Variants in ALOX5 observed in about 807,000 individuals in gnomAD.
ALOX5 encodes arachidonate 5-lipoxygenase.
In ALOX5, 64 loss-of-function variants were observed where a neutral mutation model predicts 87.9. The ratio of observed to expected loss-of-function variants is 0.73; its 90% CI spans 0.60 to 0.90. The LOEUF is 0.90. ALOX5 is among the 40% of genes least tolerant of loss of function. The pLI, the probability that ALOX5 is intolerant of heterozygous loss-of-function variation, is 0.00. For missense variants in ALOX5, 822 were observed against 907.5 expected, an observed-to-expected ratio of 0.91 and a Z score of 1.21; for synonymous variants, 388 against 355.1, an observed-to-expected ratio of 1.09 and a Z score of -1.04.
intron 3 of ALOX5, among the ~76,000 whole-genome samples, chr10:45,411,811 G>A (rs1345681009): frequency 1.3e-5 from 2 of 152,226 alleles, no homozygotes; most frequent in Admixed American, 6.5e-5. Context: ...CAGGTTGGGC[G>A]TGGCTGGGCA....
Position 45,409,509 on chromosome 10 carries a change from G to GTCTCTCTCTCTC in ALOX5, c.432-2668_432-2657dup, listed in dbSNP as rs71515351. 8.5e-5 allele frequency among the ~76,000 whole-genome samples: 11 copies of GTCTCTCTCTCTC among 129,822 alleles called. 1 individual carries two copies. Among genetic ancestry groups the GTCTCTCTCTCTC allele is most frequent in the Admixed American group, 1.5e-4 (2 of 13,366 alleles). The allele number at this position is 129,822 out of a possible 152,430, so 85.2% of individuals were successfully genotyped here. Reference sequence around the variant, plus strand: ...CCCCTTAGGATCTCTCTGTCTGTCTGTCTCTCTCTCTCTCTCTCTCTCTCT... The same window carrying GTCTCTCTCTCTC: ...CCCCTTAGGATCTCTCTGTCTGTCTGTCTCTCTCTCTCTCTCTCTCTCTCTCTCTCTCTCTCT... On this transcript the variant is annotated intron_variant, in intron 3 of 13. Transcript: ENST00000374391.
chr10:45,428,421 C>A, intron 6 of ALOX5, 197 bp from the exon 7 acceptor site: 1 of 648,756 alleles, frequency 1.5e-6, no homozygotes, highest in Non-Finnish European at 2.5e-6. Flanking sequence ...TCATCTTACC[C>A]CGAACTGCCA....
At chr10:45,406,790 A>C (rs946555700) in intron 3 of ALOX5, among the ~76,000 whole-genome samples, 2 of 152,204 alleles carry the variant, frequency 1.3e-5, no homozygotes, top group Admixed American at 1.3e-4. Context: ...TAATGTGCTC[A>C]TATTATCTAA....
intron 4 of ALOX5, among the ~76,000 whole-genome samples, chr10:45,414,882 G>C (rs571279797): frequency 6.6e-6 from 1 of 152,336 alleles, no homozygotes; most frequent in South Asian, 2.1e-4. Flanking sequence ...AAACCACAAT[G>C]AGATACCATC....
intron 13 of ALOX5, 31 bp downstream of exon 13, chr10:45,444,317 A>T (rs1318367185): frequency 6.5e-7 from 1 of 1,530,614 alleles, no homozygotes; most frequent in Admixed American, 2.0e-5. Context: ...GCACAGCCCC[A>T]GGTCACCCCA....
At chr10:45,374,744 C>T (rs953786387) in intron 1 of ALOX5, among the ~76,000 whole-genome samples, 7 of 152,192 alleles carry the variant, frequency 4.6e-5, no homozygotes, top group African/African-American at 1.7e-4. Context: ...GGTTTCCCCT[C>T]CACTTCAAGA....
Position 45,407,112 on chromosome 10 carries a change from TCAAA to T in ALOX5, c.432-5074_432-5071del, listed in dbSNP as rs370463515. On this transcript the variant is annotated intron_variant, in intron 3 of 13. Transcript: ENST00000374391. ...TCGTCCTGTCCCCCTACCCATCCCCTCAAACAAATTCCCCTGCCCTCATTGATGA... is the reference window on the plus strand; with the variant it reads ...TCGTCCTGTCCCCCTACCCATCCCCTCAAATTCCCCTGCCCTCATTGATGA... Among the ~76,000 whole-genome samples, 30 of 152,216 alleles carry T rather than the reference TCAAA, an allele frequency of 2.0e-4. No homozygotes were observed. In the South Asian group the frequency reaches 3.1e-3, roughly 16 times the overall value.
chr10:45,443,428 G>C lies in ALOX5; in HGVS notation c.1464G>C (p.Glu488Asp). The C allele has an allele frequency of 6.2e-7, 1 of 1,606,966 alleles. No homozygotes were observed. The highest frequency in any genetic ancestry group is 8.5e-7 in the Non-Finnish European group (1 of 1,177,064). The part of the protein sequence containing the change: ...VWEAIRTFTA[E>D]VVDIYYEGDQ... ...CCCCCTGAGCCAGGTTCACGGCCGA[G>C]GTGGTAGACATCTACTACGAGGGCG... Residue 488 changes from glutamate (E) to aspartate (D), a missense_variant, in exon 11 of 14, where the codon GAG becomes GAC. Coordinates refer to ENST00000374391, the MANE Select transcript of ALOX5 (RefSeq NM_000698.5).
intron 1 of ALOX5, among the ~76,000 whole-genome samples, chr10:45,380,528 G>A (rs1378655783): frequency 6.6e-6 from 1 of 152,200 alleles, no homozygotes. Context: ...ATGGAATGGG[G>A]ATGCCTGCGC....
rs746202423 is a variant in ALOX5 at position 45,443,041 on chromosome 10, A to G, written c.1276A>G (p.Asn426Asp). 9 of 1,611,858 alleles carry G rather than the reference A, an allele frequency of 5.6e-6. No homozygotes were observed. The South Asian group carries it at 9.9e-5, about 18-fold the overall frequency. Residue 426 changes from asparagine (N) to aspartate (D), a missense_variant, in exon 10 of 14, where the codon AAC becomes GAC. Transcript: ENST00000374391. ...GGCACTCTACCTCCCACTCCAGGCC[A>G]ACGCCACAGGGGGCGGTGGGCACGT... ...ICECGLFDKA[N>D]ATGGGGHVQM...
chr10:45,440,332 T>A, intron 7 of ALOX5, 98 bp from the exon 8 acceptor site: 1 of 1,316,420 alleles, frequency 7.6e-7, no homozygotes, highest in African/African-American at 1.5e-5. Context: ...GTTAAAGAAA[T>A]TCAGATACTT....
intron 7 of ALOX5, among the ~76,000 whole-genome samples, chr10:45,438,444 C>T (rs1842124386): frequency 6.6e-6 from 1 of 152,168 alleles, no homozygotes; most frequent in African/African-American, 2.4e-5. Context: ...ATGGGTAAAG[C>T]CCCTAGCACA....
At chr10:45,431,900 A>G (rs1188763107) in intron 7 of ALOX5, among the ~76,000 whole-genome samples, 2 of 152,134 alleles carry the variant, frequency 1.3e-5, no homozygotes, top group Admixed American at 6.5e-5. Flanking sequence ...AAGGATATAC[A>G]ATGAACTCTT....
chr10:45,410,986 C>T (rs372149659), intron 3 of ALOX5, among the ~76,000 whole-genome samples: 7 of 152,184 alleles, frequency 4.6e-5, no homozygotes, highest in African/African-American at 1.7e-4. Context: ...ACAGTCACTT[C>T]GTGATCATGT....
intron 3 of ALOX5, among the ~76,000 whole-genome samples, chr10:45,409,829 C>T (rs1841010993): frequency 6.6e-6 from 1 of 152,226 alleles, no homozygotes; most frequent in Non-Finnish European, 1.5e-5. Flanking sequence ...GTGGAAGGGA[C>T]ATAAACATTT....
intron 4 of ALOX5, among the ~76,000 whole-genome samples, chr10:45,422,633 T>C (rs1238221501): frequency 1.3e-5 from 2 of 152,170 alleles, no homozygotes; most frequent in African/African-American, 4.8e-5. Flanking sequence ...GCAGCAGGCA[T>C]AGATTCATAC....
At chr10:45,396,022 G>A in intron 3 of ALOX5, 86 bp downstream of exon 3, 1 of 1,384,744 alleles carries the variant, frequency 7.2e-7, no homozygotes, top group Non-Finnish European at 1.0e-6. Flanking sequence ...CCTTTCCACA[G>A]TGTATGGCCT....
intron 3 of ALOX5, among the ~76,000 whole-genome samples, chr10:45,398,161 A>G (rs1840578817): frequency 6.6e-6 from 1 of 152,246 alleles, no homozygotes; most frequent in Non-Finnish European, 1.5e-5. Context: ...AGATCAATGA[A>G]ATAGACTTGA....
chr10:45,443,559 C>T (rs201379555), intron 11 of ALOX5, 22 bp downstream of exon 11: 49 of 1,604,618 alleles, frequency 3.1e-5, no homozygotes, highest in East Asian at 4.5e-5. Flanking sequence ...GGGACGTCTC[C>T]GGACCCGGCT....
Sources: gnomAD v4.1 joint callset for allele counts (sites outside exome capture counted in the v4.1 genomes callset) on GRCh38, gnomAD v4.1.1 for gene constraint, MANE v1.5 for transcripts, NCBI Gene and HGNC (gene_info 2026-07-23, HGNC 2026-07-21) for gene names.